RTKN2: variants seen among roughly 807,000 people sequenced by gnomAD.
RTKN2 encodes rhotekin-2.
Under a neutral mutation model 71.5 loss-of-function variants are expected in RTKN2, and 69 were observed. The ratio of observed to expected loss-of-function variants is 0.96; its 90% confidence interval spans 0.79 to 1.18. The LOEUF is 1.18. Among genes scored for constraint, RTKN2 ranks in the 50% most tolerant of loss-of-function variants. RTKN2 has a pLI of 0.00. For synonymous variants in RTKN2, 236 were observed against 236.5 expected (o/e 1.00, Z 0.02); for missense variants, 724 against 719.7 (o/e 1.01, Z -0.07).
intron 9 of RTKN2, among the ~76,000 whole-genome samples, chr10:62,205,279 C>T (rs1054524415): frequency 1.2e-4 from 18 of 152,110 alleles, no homozygotes; most frequent in Admixed American, 1.2e-3. Flanking sequence ...TGCTAAATTA[C>T]ATGAGATTAA....
Position 62,196,204 on chromosome 10 carries a change from GA to G in RTKN2, c.*1703del. Reference sequence around the variant, plus strand: ...AAAATTCAAACAATAATATCCTTTAGATTTTTAATGTCATTTATTGAAATGG... The same window carrying G: ...AAAATTCAAACAATAATATCCTTTAGTTTTTAATGTCATTTATTGAAATGG... On this transcript the variant is annotated 3_prime_UTR_variant, in exon 12 of 12. Coordinates refer to ENST00000373789, the MANE Select transcript of RTKN2 (RefSeq NM_145307.4). 2.1e-6 allele frequency: 2 copies of G among 974,354 alleles called. No homozygotes were observed. Among genetic ancestry groups the G allele is most frequent in the African/African-American group, 1.8e-5 (1 of 57,048 alleles). 60.4% of individuals were successfully genotyped at this position (974,354 alleles called of 1,614,324 possible).
At position 62,217,232 on chromosome 10, in the gene RTKN2, C is replaced by CTA; in HGVS notation, c.905_906insTA (p.Ile303ArgfsTer34). The CTA allele has an allele frequency of 1.9e-6, 3 of 1,559,060 alleles. No homozygotes were observed. The highest frequency in any genetic ancestry group is 2.6e-6 in the Non-Finnish European group (3 of 1,157,144). ...CACAATACAACCTTCTCCAACTAAT[C>CTA]AGACCTTCTACCATTTGCTGAAAAA... On this transcript the variant is annotated frameshift_variant, in exon 9 of 12. Transcript: ENST00000373789. LOFTEE classifies it high-confidence loss of function.
Position 62,196,846 on chromosome 10 carries a change from C to G in RTKN2, c.*1062G>C. The G allele has an allele frequency of 1.0e-6, 1 of 979,010 alleles. No individual in the cohort carries two copies. The allele number at this position is 979,010 out of a possible 1,614,324, so 60.6% of individuals were successfully genotyped here. On this transcript the variant is annotated 3_prime_UTR_variant, in exon 12 of 12. Transcript: ENST00000373789. ...TTTGTTCCTTTAAGGTATTTTTCTG[C>G]TATTTATTCCTCACTTGACTTTATA...
chr10:62,221,305 G>C (rs1398658368), intron 7 of RTKN2, among the ~76,000 whole-genome samples: 4 of 151,796 alleles, frequency 2.6e-5, no homozygotes, highest in African/African-American at 9.7e-5. Flanking sequence ...TAAAAAATGA[G>C]AAAAAGGATG....
At chr10:62,254,144 T>C (rs1270399023) in intron 2 of RTKN2, among the ~76,000 whole-genome samples, 2 of 152,216 alleles carry the variant, frequency 1.3e-5, no homozygotes, top group Admixed American at 1.3e-4. Context: ...AGTTCATTGA[T>C]ATGGTTTGGC....
At position 62,223,280 on chromosome 10, in the gene RTKN2, C is replaced by G; in HGVS notation, c.739G>C (p.Glu247Gln). Residue 247 changes from glutamate to glutamine, a missense_variant, in exon 7 of 12, where the codon GAG becomes CAG. Physicochemically the swap from Glu to Gln is conservative, Grantham distance 29. Coordinates refer to ENST00000373789, the MANE Select transcript of RTKN2 (RefSeq NM_145307.4). ...AHTTLTLESAEDSFKTHNLSI... is the reference protein window; with the variant it reads ...AHTTLTLESAQDSFKTHNLSI... ...AGATTATGGGTCTTGAAACTATCCT[C>G]AGCACTTTCCAAGGTTAGGGTAGTG... 1 of 1,611,024 alleles carries G rather than the reference C, an allele frequency of 6.2e-7. No individual in the cohort carries two copies. The highest frequency in any genetic ancestry group is 8.5e-7 in the Non-Finnish European group (1 of 1,177,396).
chr10:62,250,125 A>G (rs1335402267), intron 2 of RTKN2, among the ~76,000 whole-genome samples: 1 of 152,246 alleles, frequency 6.6e-6, no homozygotes, highest in Non-Finnish European at 1.5e-5. Context: ...GAAGCCTTGC[A>G]TATAAGAATG....
chr10:62,186,495 G>T (rs1211651397), intron 8 of RTKN2, among the ~76,000 whole-genome samples: 1 of 137,732 alleles, frequency 7.3e-6, no homozygotes, highest in East Asian at 2.4e-4. Context: ...AATAAGGAAA[G>T]TAGCTTTCTG....
intron 2 of RTKN2, among the ~76,000 whole-genome samples, chr10:62,252,275 T>TAAC (rs1842595471): frequency 6.6e-6 from 1 of 152,060 alleles, no homozygotes; most frequent in South Asian, 2.1e-4. Context: ...GATTTCTTAA[T>TAAC]AACAATACAA....
intron 9 of RTKN2, among the ~76,000 whole-genome samples, chr10:62,206,682 A>C (rs1841555484): frequency 6.6e-6 from 1 of 152,102 alleles, no homozygotes; most frequent in African/African-American, 2.4e-5. Flanking sequence ...TAATTTTATC[A>C]TAATAGAGTA....
rs1841520711 is a variant in RTKN2 at position 62,205,018 on chromosome 10, G to A, written c.1025C>T (p.Thr342Ile). The change falls in exon 10 of 12, where the codon ACC becomes ATC. Residue 342 changes from threonine to isoleucine, a missense_variant. Coordinates refer to ENST00000373789, the MANE Select transcript of RTKN2 (RefSeq NM_145307.4). Reference sequence around the variant, plus strand: ...ATCCTTATCCATTGCCCGGATTCTGGTTTCCTAAAAATTAAGAAAAAAATT... The same window carrying A: ...ATCCTTATCCATTGCCCGGATTCTGATTTCCTAAAAATTAAGAAAAAAATT... ...PALVVPINKETRIRAMDKDAK... is the reference protein window; with the variant it reads ...PALVVPINKEIRIRAMDKDAK... 5 of 1,575,470 alleles carry A rather than the reference G, an allele frequency of 3.2e-6. No homozygotes were observed. Among genetic ancestry groups the A allele is most frequent in the African/African-American group, 2.8e-5 (2 of 72,162 alleles).
chr10:62,223,759 T>C (rs568781785), intron 6 of RTKN2, among the ~76,000 whole-genome samples: 1 of 152,310 alleles, frequency 6.6e-6, no homozygotes, highest in Admixed American at 6.5e-5. Flanking sequence ...GTGGAAAACA[T>C]TTTGGTGGTT....
chr10:62,259,367 T>C (rs777113873), intron 2 of RTKN2: 13 of 253,834 alleles, frequency 5.1e-5, no homozygotes, highest in Non-Finnish European at 7.4e-5. Context: ...TTTGTGAACA[T>C]CTTACACAAT....
chr10:62,228,968 G>A (rs1305230557), intron 6 of RTKN2, among the ~76,000 whole-genome samples: 1 of 152,240 alleles, frequency 6.6e-6, no homozygotes, highest in Non-Finnish European at 1.5e-5. Context: ...GAGAGGTAAA[G>A]TAGAAGACTA....
intron 2 of RTKN2, among the ~76,000 whole-genome samples, chr10:62,256,915 C>A (rs770531947): frequency 6.6e-6 from 1 of 151,662 alleles, no homozygotes; most frequent in Non-Finnish European, 1.5e-5. Flanking sequence ...GACACTTAGA[C>A]CAACAAATGA....
At chr10:62,192,108 C>T (rs1015933784), downstream of RTKN2, among the ~76,000 whole-genome samples, 1 of 151,344 alleles carries the variant, frequency 6.6e-6, no homozygotes, top group East Asian at 1.9e-4. Context: ...AAAAAAGCCC[C>T]AAATCATATA....
At chr10:62,204,818 C>CTTAT in intron 10 of RTKN2, 39 bp downstream of exon 10, 1 of 1,452,626 alleles carries the variant, frequency 6.9e-7, no homozygotes. Context: ...TTTTAGGCTA[C>CTTAT]ATAAATACAC....
At chr10:62,211,906 C>T (rs1405708953) in intron 9 of RTKN2, among the ~76,000 whole-genome samples, 3 of 152,048 alleles carry the variant, frequency 2.0e-5, no homozygotes, top group Non-Finnish European at 1.5e-5. Flanking sequence ...TCTCCTGATC[C>T]GCCCGTGCTG....
At chr10:62,248,345 AATGTG>A (rs1333100483) in intron 2 of RTKN2, among the ~76,000 whole-genome samples, 1 of 152,168 alleles carries the variant, frequency 6.6e-6, no homozygotes. Context: ...AGGGTACTAA[AATGTG>A]ATGTTTTTCT....
Sources: gnomAD v4.1 joint callset for allele counts (sites outside exome capture counted in the v4.1 genomes callset) on GRCh38, gnomAD v4.1.1 for gene constraint, MANE v1.5 for transcripts, NCBI Gene and HGNC (gene_info 2026-07-23, HGNC 2026-07-21) for gene names.